Variants in PTPRD observed in about 807,000 individuals in gnomAD.
PTPRD encodes protein tyrosine phosphatase receptor type D.
A neutral mutation model predicts 214.5 loss-of-function variants in PTPRD; 34 were observed. The ratio of observed to expected loss-of-function variants is 0.16; its 90% confidence interval spans 0.12 to 0.21. The LOEUF (loss-of-function observed/expected upper bound fraction) is 0.21, where lower values mean the gene tolerates loss of function less well. PTPRD is among the 10% of genes least tolerant of loss of function. The pLI, the probability that PTPRD is intolerant of heterozygous loss-of-function variation, is 1.00. For synonymous variants in PTPRD, 1,128 were observed against 845.7 expected, an observed-to-expected ratio of 1.33 and a Z score of -5.79; for missense variants, 2,545 against 2,398.7, an observed-to-expected ratio of 1.06 and a Z score of -1.27.
At chr9:9,788,967 T>C (rs2098947360) in intron 5 of PTPRD, among the ~76,000 whole-genome samples, 1 of 152,182 alleles carries the variant, frequency 6.6e-6, no homozygotes, top group Admixed American at 6.5e-5. Context: ...TCTCTAACAC[T>C]TTCAAAAATT....
At chr9:10,421,239 G>A (rs2098542888) in intron 2 of PTPRD, among the ~76,000 whole-genome samples, 1 of 151,746 alleles carries the variant, frequency 6.6e-6, no homozygotes, top group African/African-American at 2.4e-5. Context: ...GAGTTCCCTA[G>A]CTAGGTGCAC....
At chr9:10,538,129 C>A (rs1009878632) in intron 2 of PTPRD, among the ~76,000 whole-genome samples, 1 of 151,854 alleles carries the variant, frequency 6.6e-6, no homozygotes, top group African/African-American at 2.4e-5. Flanking sequence ...AATCACAGTG[C>A]CTATCCCTAT....
At chr9:10,219,007 G>C (rs2099554036) in intron 3 of PTPRD, among the ~76,000 whole-genome samples, 1 of 151,618 alleles carries the variant, frequency 6.6e-6, no homozygotes, top group African/African-American at 2.4e-5. Flanking sequence ...CACTAACATT[G>C]AGCTAAAAAC....
intron 3 of PTPRD, among the ~76,000 whole-genome samples, chr9:10,249,474 G>C (rs1595338761): frequency 6.6e-6 from 1 of 152,104 alleles, no homozygotes; most frequent in Non-Finnish European, 1.5e-5. Context: ...CTTGAAGCTG[G>C]TTTGATACCA....
At chr9:8,396,036 A>G (rs1372383838) in intron 36 of PTPRD, among the ~76,000 whole-genome samples, 1 of 152,072 alleles carries the variant, frequency 6.6e-6, no homozygotes, top group Non-Finnish European at 1.5e-5. Context: ...GGAGGCAATT[A>G]TTATAGAGGT....
intron 8 of PTPRD, among the ~76,000 whole-genome samples, chr9:9,439,673 T>C (rs1177251401): frequency 6.6e-6 from 1 of 152,142 alleles, no homozygotes; most frequent in East Asian, 1.9e-4. Flanking sequence ...TAAAATCAAG[T>C]TTGGCAAAGG....
chr9:8,768,097 C>G (rs191621132), intron 11 of PTPRD, among the ~76,000 whole-genome samples: 212 of 152,252 alleles, frequency 1.4e-3, no homozygotes, highest in Middle Eastern at 3.4e-3. Context: ...GAATTTGCGT[C>G]TTTAAAAGAT....
chr9:10,564,068 C>T (rs866918450), intron 2 of PTPRD, among the ~76,000 whole-genome samples: 12 of 150,572 alleles, frequency 8.0e-5, no homozygotes, highest in African/African-American at 2.7e-4. Context: ...AGCACTGGTG[C>T]GATCATGGCT....
intron 23 of PTPRD, among the ~76,000 whole-genome samples, chr9:8,503,005 C>A (rs981573966): frequency 6.6e-6 from 1 of 151,932 alleles, no homozygotes; most frequent in Admixed American, 6.6e-5. Context: ...GCCTGGAATT[C>A]AAAGCAGACA....
chr9:10,358,909 C>G (rs2097327168), intron 2 of PTPRD, among the ~76,000 whole-genome samples: 3 of 151,862 alleles, frequency 2.0e-5, no homozygotes, highest in Non-Finnish European at 2.9e-5. Context: ...TCCATGGTTG[C>G]TGGTTGGTAT....
intron 27 of PTPRD, among the ~76,000 whole-genome samples, chr9:8,488,578 C>G (rs2097085317): frequency 6.6e-6 from 1 of 152,172 alleles, no homozygotes; most frequent in Admixed American, 6.5e-5. Flanking sequence ...ATCTTAACGA[C>G]CAACACACAC....
intron 9 of PTPRD, among the ~76,000 whole-genome samples, chr9:9,209,491 T>C (rs886930800): frequency 6.6e-6 from 1 of 152,226 alleles, no homozygotes; most frequent in South Asian, 2.1e-4. Flanking sequence ...TAAAGAGTTA[T>C]TGTTAATTAA....
intron 39 of PTPRD, among the ~76,000 whole-genome samples, chr9:8,367,491 G>A (rs894481793): frequency 1.3e-5 from 2 of 152,040 alleles, no homozygotes; most frequent in East Asian, 1.9e-4. Context: ...AAAATTCTAC[G>A]ATCTAAAATG....
intron 3 of PTPRD, among the ~76,000 whole-genome samples, chr9:10,161,316 C>T (rs147486342): frequency 6.6e-6 from 1 of 151,856 alleles, no homozygotes; most frequent in East Asian, 1.9e-4. Flanking sequence ...TACTAGGAAG[C>T]TATAGTAAAT....
At chr9:9,623,917 C>A (rs2095331229) in intron 7 of PTPRD, among the ~76,000 whole-genome samples, 1 of 151,934 alleles carries the variant, frequency 6.6e-6, no homozygotes, top group Admixed American at 6.6e-5. Context: ...GAGGAAGTGG[C>A]AAAATAAAGA....
intron 9 of PTPRD, among the ~76,000 whole-genome samples, chr9:9,303,477 C>A (rs537624371): frequency 8.6e-5 from 13 of 151,896 alleles, no homozygotes; most frequent in African/African-American, 2.7e-4. Flanking sequence ...AAAGTTATGC[C>A]GTAATAACAA....
chr9:9,606,822 C>T (rs2094185766), intron 7 of PTPRD, among the ~76,000 whole-genome samples: 1 of 151,732 alleles, frequency 6.6e-6, no homozygotes, highest in Admixed American at 6.6e-5. Context: ...AAATGATCAT[C>T]AAGCACACAC....
chr9:8,767,183 T>A (rs949886146), intron 11 of PTPRD, among the ~76,000 whole-genome samples: 2 of 152,118 alleles, frequency 1.3e-5, no homozygotes, highest in Non-Finnish European at 2.9e-5. Flanking sequence ...AATGGCACGA[T>A]CTTGGCTCAC....
chr9:10,506,252 T>C (rs982806295), intron 2 of PTPRD, among the ~76,000 whole-genome samples: 1 of 152,314 alleles, frequency 6.6e-6, no homozygotes, highest in East Asian at 1.9e-4. Flanking sequence ...TTATAAAAGA[T>C]GTGCAAAAAT....
Sources: gnomAD v4.1 joint callset for allele counts (sites outside exome capture counted in the v4.1 genomes callset) on GRCh38, gnomAD v4.1.1 for gene constraint, MANE v1.5 for transcripts, NCBI Gene and HGNC (gene_info 2026-07-23, HGNC 2026-07-21) for gene names.